Variants in CTNND2 observed in about 807,000 individuals in gnomAD.
CTNND2 encodes the protein catenin delta-2.
In CTNND2, 22 loss-of-function variants were observed where a neutral mutation model predicts 144.4. That is an observed-to-expected ratio of 0.15 (90% confidence interval 0.11 to 0.22). The LOEUF is 0.22. CTNND2 is among the 10% of genes least tolerant of loss of function. CTNND2 has a pLI of 1.00. For synonymous variants in CTNND2, 751 were observed against 695.6 expected (o/e 1.08, Z -1.25); for missense variants, 1,353 against 1,618.8 (o/e 0.84, Z 2.82).
chr5:11,065,660 G>A (rs576816700), intron 16 of CTNND2, among the ~76,000 whole-genome samples: 2 of 152,228 alleles, frequency 1.3e-5, no homozygotes, highest in Admixed American at 1.3e-4. Context: ...TAAAGGATTT[G>A]GGGAGTCATG....
At chr5:11,535,573 T>C (rs1228213551) in intron 3 of CTNND2, among the ~76,000 whole-genome samples, 2 of 152,348 alleles carry the variant, frequency 1.3e-5, no homozygotes, top group African/African-American at 4.8e-5. Context: ...TATTTATTCC[T>C]TGAGTATTTA....
At chr5:11,125,609 G>A (rs747780541) in intron 12 of CTNND2, among the ~76,000 whole-genome samples, 13 of 152,180 alleles carry the variant, frequency 8.5e-5, no homozygotes, top group Non-Finnish European at 1.8e-4. Context: ...AGCCCAGAGG[G>A]GAGAAACATG....
At chr5:11,742,062 AG>A (rs752237130) in intron 1 of CTNND2, among the ~76,000 whole-genome samples, 68 of 145,264 alleles carry the variant, frequency 4.7e-4, no homozygotes, top group Non-Finnish European at 8.3e-4. Flanking sequence ...AAAGGGTGGG[AG>A]GGGGTGAGGG....
intron 2 of CTNND2, among the ~76,000 whole-genome samples, chr5:11,706,098 G>C (rs944339585): frequency 3.3e-5 from 5 of 152,114 alleles, no homozygotes; most frequent in African/African-American, 1.2e-4. Flanking sequence ...CTGGAGGTCT[G>C]AACAAATTCT....
At chr5:11,731,065 C>T (rs1176439485) in intron 2 of CTNND2, among the ~76,000 whole-genome samples, 1 of 152,216 alleles carries the variant, frequency 6.6e-6, no homozygotes, top group Non-Finnish European at 1.5e-5. Context: ...CAGCCTAAAG[C>T]TCAACCCAAT....
chr5:11,218,651 G>T (rs1196357902), intron 10 of CTNND2, among the ~76,000 whole-genome samples: 1 of 152,128 alleles, frequency 6.6e-6, no homozygotes, highest in Admixed American at 6.6e-5. Flanking sequence ...CTTGAACTAC[G>T]TTGAATACTG....
intron 2 of CTNND2, among the ~76,000 whole-genome samples, chr5:11,575,196 C>T (rs1248653437): frequency 1.3e-5 from 2 of 152,188 alleles, no homozygotes; most frequent in African/African-American, 4.8e-5. Context: ...GCCTTGATGA[C>T]AGGCACCATG....
chr5:11,511,902 T>C (rs551688473), intron 3 of CTNND2, among the ~76,000 whole-genome samples: 1 of 152,336 alleles, frequency 6.6e-6, no homozygotes, highest in Admixed American at 6.5e-5. Context: ...CTGACTGCCC[T>C]TGGACATTAC....
intron 9 of CTNND2, among the ~76,000 whole-genome samples, chr5:11,286,061 A>AG (rs1258317389): frequency 6.6e-6 from 1 of 152,048 alleles, no homozygotes; most frequent in Admixed American, 6.6e-5. Context: ...TGAAAAAAAA[A>AG]ACAGATCCCT....
At chr5:11,204,625 A>G (rs558031562) in intron 10 of CTNND2, among the ~76,000 whole-genome samples, 1 of 152,316 alleles carries the variant, frequency 6.6e-6, no homozygotes, top group African/African-American at 2.4e-5. Flanking sequence ...ATATTTGCCA[A>G]TGAATTAGCT....
intron 6 of CTNND2, among the ~76,000 whole-genome samples, chr5:11,388,221 A>G (rs965924950): frequency 1.3e-5 from 2 of 152,246 alleles, no homozygotes; most frequent in Admixed American, 1.3e-4. Flanking sequence ...CTTCCAAAAA[A>G]GCCTCCTGAA....
intron 1 of CTNND2, among the ~76,000 whole-genome samples, chr5:11,804,415 T>C (rs1561811737): frequency 6.6e-6 from 1 of 152,208 alleles, no homozygotes; most frequent in Non-Finnish European, 1.5e-5. Context: ...ATGTTTATAG[T>C]AGTTTTATTC....
chr5:11,610,147 C>T (rs1475178356), intron 2 of CTNND2, among the ~76,000 whole-genome samples: 1 of 152,144 alleles, frequency 6.6e-6, no homozygotes, highest in African/African-American at 2.4e-5. Flanking sequence ...CAGATCAAAG[C>T]CGCTTGGCTG....
chr5:11,890,510 T>G (rs772652144), intron 1 of CTNND2, among the ~76,000 whole-genome samples: 1 of 152,198 alleles, frequency 6.6e-6, no homozygotes, highest in Non-Finnish European at 1.5e-5. Flanking sequence ...CTGTCTTGTC[T>G]TCTCATTTCA....
Position 11,098,805 on chromosome 5 carries a change from T to C in CTNND2, c.2464-57A>G. On this transcript the variant is annotated intron_variant, in intron 14 of 21. Coordinates refer to ENST00000304623, the MANE Select transcript of CTNND2 (RefSeq NM_001332.4). ...TTTAACATCTTTATGCTTCCCAACT[T>C]TGCCTTCCTCAAACATTACAGGCGA... The C allele has an allele frequency of 3.8e-6, 6 of 1,561,180 alleles. No individual in the cohort carries two copies. In the African/African-American group the frequency reaches 4.1e-5, roughly 11 times the overall value.
rs70949326 is a variant in CTNND2, at chr5:11,551,432, C to CTTTTT, written c.287+13507_287+13511dup. The stretch of plus-strand genomic sequence containing the variant: ...AGCATATTTATGCTTTTTCTTTTTT[C>CTTTTT]TTTTTTTTTTTTTTTTTTTTTGATA... On this transcript the variant is annotated intron_variant, in intron 3 of 21. Transcript: ENST00000304623. 1.6e-3 allele frequency among the ~76,000 whole-genome samples: 157 copies of CTTTTT among 100,874 alleles called. 3 individuals carry two copies. Among genetic ancestry groups the CTTTTT allele is most frequent in the East Asian group, 3.2e-3 (11 of 3,442 alleles). 66.2% of individuals were successfully genotyped at this position (100,874 alleles called of 152,430 possible). A position where few individuals can be genotyped will look rare whatever the true frequency, so the allele number is the denominator to read the frequency against.
chr5:10,982,528 G>A (rs1737416001), intron 20 of CTNND2, among the ~76,000 whole-genome samples: 1 of 152,226 alleles, frequency 6.6e-6, no homozygotes, highest in Non-Finnish European at 1.5e-5. Context: ...AACCCTTGAA[G>A]CTCAAGCCAC....
chr5:11,041,598 T>C (rs1231859779), intron 16 of CTNND2, among the ~76,000 whole-genome samples: 1 of 152,122 alleles, frequency 6.6e-6, no homozygotes, highest in East Asian at 1.9e-4. Context: ...TTCATTGAAG[T>C]TGCATCTAGT....
intron 11 of CTNND2, among the ~76,000 whole-genome samples, chr5:11,178,792 T>C (rs1382803823): frequency 1.3e-5 from 2 of 152,204 alleles, no homozygotes; most frequent in African/African-American, 4.8e-5. Context: ...TGGCAAAGAA[T>C]GTAATGATGA....
Sources: gnomAD v4.1 joint callset for allele counts (sites outside exome capture counted in the v4.1 genomes callset) on GRCh38, gnomAD v4.1.1 for gene constraint, MANE v1.5 for transcripts, NCBI Gene and HGNC (gene_info 2026-07-23, HGNC 2026-07-21) for gene names.